Variants in TYR observed in about 807,000 individuals in gnomAD.
TYR encodes the protein LB24-AB.
Under a neutral mutation model 51.5 loss-of-function variants are expected in TYR, and 58 were observed. The observed-to-expected ratio is 1.13, with a 90% confidence interval of 0.91 to 1.40. The LOEUF (loss-of-function observed/expected upper bound fraction) is 1.40. Ranked by LOEUF, TYR falls within the 40% of genes most tolerant of loss-of-function variation. The pLI, the probability that TYR is intolerant of heterozygous loss-of-function variation, is 0.00. For synonymous variants in TYR, 263 were observed against 235.2 expected (o/e 1.12, Z -1.08); for missense variants, 732 against 647.4 (o/e 1.13, Z -1.42).
intron 3 of TYR, among the ~76,000 whole-genome samples, chr11:89,236,661 T>A (rs768200703): frequency 6.6e-6 from 1 of 152,194 alleles, no homozygotes; most frequent in Non-Finnish European, 1.5e-5. Context: ...GACTCATTTT[T>A]CCGATCAGAC....
intron 4 of TYR, 54 bp from the exon 5 acceptor site, chr11:89,295,089 T>G (rs1342908347): frequency 1.1e-5 from 17 of 1,600,250 alleles, no homozygotes; most frequent in Non-Finnish European, 1.4e-5. Context: ...AAGATGATGG[T>G]GATCGTAACA....
intron 1 of TYR, among the ~76,000 whole-genome samples, chr11:89,185,086 A>T (rs765626823): frequency 2.0e-5 from 3 of 152,186 alleles, no homozygotes; most frequent in Non-Finnish European, 4.4e-5. Context: ...TCAAATTATT[A>T]TTCTATACGT....
rs1001944031 is a variant in TYR at position 89,178,128 on chromosome 11, C to T, written c.175C>T (p.Leu59Phe). 2.5e-6 allele frequency: 4 copies of T among 1,614,196 alleles called. No homozygotes were observed. Among genetic ancestry groups the T allele is most frequent in the South Asian group, 2.2e-5 (2 of 91,076 alleles). Residue 59 changes from leucine (L) to phenylalanine (F), a missense_variant, in exon 1 of 5, where the codon CTT (leucine) becomes TTT (phenylalanine). Transcript: ENST00000263321. ...AGGCAGAGGTTCCTGTCAGAATATC[C>T]TTCTGTCCAATGCACCACTTGGGCC... ...LSGRGSCQNI[L>F]LSNAPLGPQF...
intron 1 of TYR, among the ~76,000 whole-genome samples, chr11:89,179,267 C>A (rs1943270101): frequency 6.6e-6 from 1 of 151,958 alleles, no homozygotes; most frequent in African/African-American, 2.4e-5. Flanking sequence ...GGAGAGAGTC[C>A]CGAGAAGGCA....
At chr11:89,266,550 C>A (rs1334386824) in intron 3 of TYR, among the ~76,000 whole-genome samples, 1 of 151,868 alleles carries the variant, frequency 6.6e-6, no homozygotes, top group Non-Finnish European at 1.5e-5. Flanking sequence ...AAAATCCAAT[C>A]TGCGTAACAC....
At chr11:89,225,526 A>C (rs1943965782) in intron 2 of TYR, among the ~76,000 whole-genome samples, 1 of 151,846 alleles carries the variant, frequency 6.6e-6, no homozygotes, top group Admixed American at 6.6e-5. Flanking sequence ...CATATATAAC[A>C]TTTAGATATA....
At chr11:89,222,331 A>T (rs1163652275) in intron 2 of TYR, among the ~76,000 whole-genome samples, 1 of 152,186 alleles carries the variant, frequency 6.6e-6, no homozygotes, top group Non-Finnish European at 1.5e-5. Context: ...AACCAGTTAT[A>T]TCTGAATCTC....
chr11:89,204,416 G>A (rs1943643301), intron 2 of TYR, among the ~76,000 whole-genome samples: 1 of 150,612 alleles, frequency 6.6e-6, no homozygotes, highest in Non-Finnish European at 1.5e-5. Context: ...TTTTTGAGAT[G>A]GAGTCTTTGC....
At chr11:89,182,696 T>C (rs572988661) in intron 1 of TYR, among the ~76,000 whole-genome samples, 8 of 152,312 alleles carry the variant, frequency 5.3e-5, no homozygotes, top group African/African-American at 1.9e-4. Context: ...GCCATGTTTA[T>C]CATCAATTAA....
chr11:89,228,659 GA>G (rs2135282578), intron 3 of TYR, among the ~76,000 whole-genome samples: 1 of 152,260 alleles, frequency 6.6e-6, no homozygotes, highest in Admixed American at 6.5e-5. Flanking sequence ...CCACTGGCCT[GA>G]ATAGTATATG....
intron 2 of TYR, among the ~76,000 whole-genome samples, chr11:89,226,002 A>G (rs1943970696): frequency 1.3e-5 from 2 of 152,220 alleles, no homozygotes; most frequent in East Asian, 1.9e-4. Context: ...AATGAAAAAT[A>G]TAAAACTTTA....
chr11:89,260,292 C>T (rs1449343742), intron 3 of TYR, among the ~76,000 whole-genome samples: 1 of 150,974 alleles, frequency 6.6e-6, no homozygotes, highest in Non-Finnish European at 1.5e-5. Flanking sequence ...CCTAAGAGAT[C>T]TGAGCAACAT....
intron 3 of TYR, among the ~76,000 whole-genome samples, chr11:89,252,463 C>A (rs536130611): frequency 4.6e-4 from 70 of 151,590 alleles, no homozygotes; most frequent in Non-Finnish European, 8.6e-4. Flanking sequence ...TCAAAATGTC[C>A]ACATAAATCA....
At chr11:89,226,776 T>C (rs1184392317) in intron 2 of TYR, among the ~76,000 whole-genome samples, 2 of 152,158 alleles carry the variant, frequency 1.3e-5, no homozygotes, top group Non-Finnish European at 2.9e-5. Flanking sequence ...GTTTACATTA[T>C]GATCTTATTC....
At chr11:89,244,315 G>T (rs1331418613) in intron 3 of TYR, among the ~76,000 whole-genome samples, 1 of 151,684 alleles carries the variant, frequency 6.6e-6, no homozygotes, top group East Asian at 1.9e-4. Flanking sequence ...CTACTAGGCA[G>T]TTGAGCTCCA....
rs749720674 is a variant in TYR at position 89,178,290 on chromosome 11, A to C, written c.337A>C (p.Thr113Pro). 1.2e-6 allele frequency: 2 copies of C among 1,614,064 alleles called. No homozygotes were observed. The highest frequency in any genetic ancestry group is 1.7e-6 in the Non-Finnish European group (2 of 1,180,018). ...GTTTGGCTTTTGGGGACCAAACTGC[A>C]CAGAGAGACGACTCTTGGTGAGAAG... ...CKFGFWGPNC[T>P]ERRLLVRRNI... Residue 113 changes from threonine (T) to proline (P), a missense_variant, in exon 1 of 5, where the codon ACA becomes CCA. Coordinates refer to ENST00000263321, the MANE Select transcript of TYR (RefSeq NM_000372.5).
At chr11:89,239,331 C>A (rs1397775003) in intron 3 of TYR, among the ~76,000 whole-genome samples, 3 of 151,940 alleles carry the variant, frequency 2.0e-5, no homozygotes, top group African/African-American at 7.2e-5. Context: ...TGGAATTTAT[C>A]TATTTTCTTC....
chr11:89,182,163 C>CA (rs1425232078), intron 1 of TYR, among the ~76,000 whole-genome samples: 2 of 152,172 alleles, frequency 1.3e-5, no homozygotes, highest in Non-Finnish European at 2.9e-5. Context: ...GCCAGCCTGT[C>CA]AGTCGCTCCA....
intron 3 of TYR, among the ~76,000 whole-genome samples, chr11:89,250,476 ATTAT>A (rs1944317775): frequency 1.3e-5 from 2 of 151,958 alleles, no homozygotes. Context: ...TATCAAAAAC[ATTAT>A]TTATAGGGTG....
Sources: allele counts gnomAD v4.1 joint callset (sites outside exome capture counted in the v4.1 genomes callset), GRCh38; gene constraint gnomAD v4.1.1; transcripts MANE v1.5; gene names NCBI Gene and HGNC (gene_info 2026-07-23, HGNC 2026-07-21).